Variants in TMEM178B observed in about 807,000 individuals in gnomAD.
TMEM178B encodes the protein transmembrane protein 178B.
A neutral mutation model predicts 31.0 loss-of-function variants in TMEM178B; 5 were observed. The observed-to-expected ratio is 0.16, with a 90% CI of 0.08 to 0.34. The LOEUF (loss-of-function observed/expected upper bound fraction) is 0.34, where lower values mean the gene tolerates loss of function less well. Ranked by LOEUF, TMEM178B falls within the 10% of genes least tolerant of loss-of-function variation. The probability of loss-of-function intolerance (pLI) is 1.00; values close to 1 mark genes in which losing one functional copy is unlikely to be tolerated. For missense variants in TMEM178B, 275 were observed against 400.3 expected, an observed-to-expected ratio of 0.69 and a Z score of 2.67; for synonymous variants, 164 against 164.0, an observed-to-expected ratio of 1.00 and a Z score of 0.00.
intron 2 of TMEM178B, among the ~76,000 whole-genome samples, chr7:141,412,675 C>T (rs545409798): frequency 2.0e-5 from 3 of 152,338 alleles, no homozygotes; most frequent in African/African-American, 7.2e-5. Context: ...TTGCCAGCGA[C>T]GTGCAGTGCT....
At chr7:141,329,942 CAG>C (rs1184061277) in intron 2 of TMEM178B, among the ~76,000 whole-genome samples, 1 of 152,166 alleles carries the variant, frequency 6.6e-6, no homozygotes, top group African/African-American at 2.4e-5. Context: ...GTGGTGGACA[CAG>C]AATCAATGGT....
chr7:141,404,137 C>G (rs1447086467), intron 2 of TMEM178B, among the ~76,000 whole-genome samples: 1 of 152,140 alleles, frequency 6.6e-6, no homozygotes, highest in Non-Finnish European at 1.5e-5. Context: ...AACCCCATCT[C>G]TACTAAAAAT....
rs756284106 is a variant in TMEM178B at position 141,471,810 on chromosome 7, GTGT to G, written c.*1025_*1027del. The G allele has an allele frequency of 6.7e-6, 1 of 148,416 alleles. No homozygotes were observed. Among genetic ancestry groups the G allele is most frequent in the Non-Finnish European group, 1.5e-5 (1 of 68,416 alleles). The allele number at this position is 148,416 out of a possible 1,614,324, so 9.2% of individuals were successfully genotyped here. On this transcript the variant is annotated 3_prime_UTR_variant, in exon 4 of 4. Transcript: ENST00000565468. This position sits in a 1 kb window ranked among gnomAD's most constrained non-coding sequence, Gnocchi z 4.1. Reference sequence around the variant, plus strand: ...TGTGTGTGTGTGTGTGTGTGTGTGTGTGTGTGTGGTGGATGTTTCTTGAGCGTG... The same window carrying G: ...TGTGTGTGTGTGTGTGTGTGTGTGTGGTGTGGTGGATGTTTCTTGAGCGTG...
At chr7:141,291,884 C>G (rs1798552066) in intron 2 of TMEM178B, among the ~76,000 whole-genome samples, 1 of 151,204 alleles carries the variant, frequency 6.6e-6, no homozygotes, top group Non-Finnish European at 1.5e-5. Flanking sequence ...TAAATGTGGT[C>G]CCTGGGGGTC....
intron 2 of TMEM178B, among the ~76,000 whole-genome samples, chr7:141,271,975 C>T (rs1798192940): frequency 6.6e-6 from 1 of 152,176 alleles, no homozygotes; most frequent in Admixed American, 6.5e-5. Flanking sequence ...CATGTCCTTG[C>T]ACATATTGTC....
chr7:141,353,333 A>G (rs1799766643), intron 2 of TMEM178B, among the ~76,000 whole-genome samples: 1 of 152,180 alleles, frequency 6.6e-6, no homozygotes, highest in African/African-American at 2.4e-5. Flanking sequence ...GGATCTTTCC[A>G]TGCAACACAA....
At chr7:141,089,609 C>T (rs1586761862) in intron 1 of TMEM178B, among the ~76,000 whole-genome samples, 1 of 152,120 alleles carries the variant, frequency 6.6e-6, no homozygotes, top group Admixed American at 6.5e-5. Flanking sequence ...TGGAACTAAC[C>T]CAAATGTCCA....
intron 1 of TMEM178B, among the ~76,000 whole-genome samples, chr7:141,199,422 A>G (rs886553153): frequency 9.2e-5 from 14 of 152,200 alleles, no homozygotes; most frequent in African/African-American, 2.7e-4. Context: ...ATGCAATGAT[A>G]AGGCAGAGGA....
chr7:141,414,210 G>A lies in TMEM178B; in HGVS notation c.497-23398G>A, dbSNP rs370420914. ...CGCCATTCTCCTGCCTCAGCCTCCC[G>A]AGTAGCTGGGACTACAGGCGCCCGC... On this transcript the variant is annotated intron_variant, in intron 2 of 3. Transcript: ENST00000565468. 1.7e-3 allele frequency among the ~76,000 whole-genome samples: 108 copies of A among 63,414 alleles called. 44 individuals are homozygous for A. The East Asian group carries it at 0.043, about 25-fold the overall frequency. The allele number at this position is 63,414 out of a possible 152,430, so 41.6% of individuals were successfully genotyped here.
intron 2 of TMEM178B, among the ~76,000 whole-genome samples, chr7:141,355,246 G>C (rs1280509328): frequency 6.6e-6 from 1 of 152,180 alleles, no homozygotes; most frequent in Non-Finnish European, 1.5e-5. Context: ...TTTGGCTGCT[G>C]TTCAGACTTG....
At chr7:141,486,499 G>A in the TMEM178B span, among the ~76,000 whole-genome samples, 1 of 152,264 alleles carries the variant, frequency 6.6e-6, no homozygotes, top group East Asian at 1.9e-4. Flanking sequence ...TCCATCTTGT[G>A]TTGTCACTGA....
chr7:141,441,889 A>G lies in TMEM178B; in HGVS notation c.634+4144A>G, dbSNP rs183462180. 3.7e-3 allele frequency among the ~76,000 whole-genome samples: 561 copies of G among 152,304 alleles called. 2 individuals carry two copies. Among genetic ancestry groups the G allele is most frequent in the Non-Finnish European group, 6.9e-3 (468 of 68,028 alleles). On this transcript the variant is annotated intron_variant, in intron 3 of 3. Coordinates refer to ENST00000565468, the MANE Select transcript of TMEM178B (RefSeq NM_001195278.2). ...GCAACAAATTGTTTAATGAACGCTC[A>G]GCCCCGAGGAGATGATTAATTAAGT...
chr7:141,128,233 C>G (rs1332400450), intron 1 of TMEM178B, among the ~76,000 whole-genome samples: 1 of 152,190 alleles, frequency 6.6e-6, no homozygotes, highest in East Asian at 1.9e-4. Flanking sequence ...TACAGTTCCA[C>G]TGGGCCTGCT....
intron 2 of TMEM178B, among the ~76,000 whole-genome samples, chr7:141,291,182 G>A (rs1222319047): frequency 6.6e-6 from 1 of 152,176 alleles, no homozygotes. Context: ...TATTGGGAAA[G>A]TGTTATTTAT....
At chr7:141,370,851 A>G (rs980346643) in intron 2 of TMEM178B, among the ~76,000 whole-genome samples, 2 of 152,236 alleles carry the variant, frequency 1.3e-5, no homozygotes, top group African/African-American at 4.8e-5. Flanking sequence ...CTGTTTGACC[A>G]CTGATCAAGA....
chr7:141,507,059 C>T, the TMEM178B span, among the ~76,000 whole-genome samples: 1 of 152,188 alleles, frequency 6.6e-6, no homozygotes, highest in Non-Finnish European at 1.5e-5. Context: ...CGGCTCTACC[C>T]CTTTGGCTTT....
intron 2 of TMEM178B, among the ~76,000 whole-genome samples, chr7:141,372,565 G>A (rs1174938109): frequency 2.6e-5 from 4 of 152,082 alleles, no homozygotes; most frequent in African/African-American, 9.7e-5. Context: ...TCTGATCAGA[G>A]TCCATTTCTT....
intron 2 of TMEM178B, among the ~76,000 whole-genome samples, chr7:141,222,577 T>C (rs1411442819): frequency 6.6e-6 from 1 of 152,210 alleles, no homozygotes; most frequent in African/African-American, 2.4e-5. Context: ...GAAGCTATTA[T>C]TATTGGAAGG....
At chr7:141,410,659 C>T (rs759444583) in intron 2 of TMEM178B, among the ~76,000 whole-genome samples, 37 of 152,118 alleles carry the variant, frequency 2.4e-4, no homozygotes, top group Non-Finnish European at 2.9e-4. Context: ...CTCAGAGGTG[C>T]GGTGACTTAT....
Sources: gnomAD v4.1 joint callset for allele counts (sites outside exome capture counted in the v4.1 genomes callset) on GRCh38, gnomAD v4.1.1 for gene constraint, Gnocchi (gnomAD v3.1) non-coding constraint, MANE v1.5 for transcripts, NCBI Gene and HGNC (gene_info 2026-07-23, HGNC 2026-07-21) for gene names.